MYOC: variants seen among roughly 807,000 people sequenced by gnomAD.
The protein encoded by MYOC is myocilin.
Under a neutral mutation model 28.2 loss-of-function variants are expected in MYOC, and 29 were observed. That is an observed-to-expected ratio of 1.03 (90% CI 0.77 to 1.40). The LOEUF is 1.40. MYOC is among the 40% of genes most tolerant of loss of function. The pLI, the probability that MYOC is intolerant of heterozygous loss-of-function variation, is 0.00. For synonymous variants in MYOC, 240 were observed against 245.6 expected (o/e 0.98, Z 0.21); for missense variants, 569 against 620.6 (o/e 0.92, Z 0.88).
chr1:171,643,768 C>T (rs1013086591), intron 1 of MYOC, among the ~76,000 whole-genome samples: 15 of 151,802 alleles, frequency 9.9e-5, no homozygotes, highest in Admixed American at 5.9e-4. Flanking sequence ...GTCAGGAGTT[C>T]GAGACCAGCC....
chr1:171,651,001 CA>C (rs1259183254), intron 1 of MYOC, among the ~76,000 whole-genome samples: 1 of 152,166 alleles, frequency 6.6e-6, no homozygotes, highest in African/African-American at 2.4e-5. Context: ...TAATAATGAG[CA>C]GTCAAATTGC....
Position 171,635,949 on chromosome 1 carries a change from A to G in MYOC, c.1491T>C (p.Tyr497=). ...FAWDNLNMVT[Y]DIKLSKM Reference sequence around the variant, plus strand: ...TTCACATCTTGGAGAGCTTGATGTCATAAGTGACCATGTTCAAGTTGTCCC... The same window carrying G: ...TTCACATCTTGGAGAGCTTGATGTCGTAAGTGACCATGTTCAAGTTGTCCC... The change falls in exon 3 of 3, where the codon TAT becomes TAC. Residue 497 remains tyrosine, a synonymous_variant. Transcript: ENST00000037502. The G allele has an allele frequency of 1.2e-6, 2 of 1,614,160 alleles. No individual in the cohort carries two copies. Among genetic ancestry groups the G allele is most frequent in the Non-Finnish European group, 1.7e-6 (2 of 1,180,032 alleles).
intron 1 of MYOC, among the ~76,000 whole-genome samples, chr1:171,646,609 G>C (rs1464079257): frequency 6.7e-6 from 1 of 149,576 alleles, no homozygotes; most frequent in Non-Finnish European, 1.5e-5. Context: ...TGATTCTTCT[G>C]CCTCAGCCTC....
At position 171,652,571 on chromosome 1, in the gene MYOC, T is replaced by C; in HGVS notation, c.41A>G (p.Glu14Gly). The C allele has an allele frequency of 6.2e-7, 1 of 1,614,180 alleles. No individual in the cohort carries two copies. The highest frequency in any genetic ancestry group is 1.1e-5 in the South Asian group (1 of 91,082). Reference protein sequence around the residue: ...FCARCCSFGPEMPAVQLLLLA... With the variant: ...FCARCCSFGPGMPAVQLLLLA... ...AAGCAGCAGCTGGACAGCTGGCATC[T>C]CAGGCCCAAAGCTGCAGCAACGTGC... is the stretch of plus-strand genomic sequence containing the variant. Residue 14 changes from glutamate (E) to glycine (G), a missense_variant, in exon 1 of 3, where the codon GAG (glutamate) becomes GGG (glycine). Transcript: ENST00000037502.
At chr1:171,642,704 G>A (rs1342505717) in intron 1 of MYOC, among the ~76,000 whole-genome samples, 5 of 151,936 alleles carry the variant, frequency 3.3e-5, no homozygotes, top group Admixed American at 3.3e-4. Flanking sequence ...AAACTCCAGG[G>A]GCAATTGGGA....
intron 1 of MYOC, among the ~76,000 whole-genome samples, chr1:171,645,007 C>G (rs141071125): frequency 1.3e-5 from 2 of 152,154 alleles, no homozygotes; most frequent in Non-Finnish European, 2.9e-5. Flanking sequence ...CAGTTATAAA[C>G]GCATTGCCTC....
intron 1 of MYOC, among the ~76,000 whole-genome samples, chr1:171,651,763 G>C (rs1653359599): frequency 6.6e-6 from 1 of 152,154 alleles, no homozygotes; most frequent in South Asian, 2.1e-4. Context: ...TTTTGCTATG[G>C]ACTGTGAAAA....
Position 171,642,646 on chromosome 1 carries a change from A to G in MYOC, c.605-3924T>C, listed in dbSNP as rs188075444. Among the ~76,000 whole-genome samples the G allele has an allele frequency of 2.8e-3, 410 of 148,324 alleles. 1 individual carries two copies. The highest frequency in any genetic ancestry group is 0.013 in the South Asian group (57 of 4,540). ...AAAAAAATTAAAAAAAGAAAGACTC[A>G]TAAGCCAAAATGTATATGTAACTGA... On this transcript the variant is annotated intron_variant, in intron 1 of 2. Transcript: ENST00000037502.
chr1:171,637,477 C>T (rs1460196008), intron 2 of MYOC, among the ~76,000 whole-genome samples: 2 of 152,186 alleles, frequency 1.3e-5, no homozygotes, highest in Non-Finnish European at 2.9e-5. Context: ...AGCACCCCTC[C>T]CATCTCAGCC....
chr1:171,640,301 A>G (rs949626130), intron 1 of MYOC, among the ~76,000 whole-genome samples: 4 of 151,968 alleles, frequency 2.6e-5, no homozygotes, highest in African/African-American at 9.7e-5. Flanking sequence ...ACAGAAGGGA[A>G]GCGGGTGGGC....
At position 171,642,518 on chromosome 1, in the gene MYOC, A is replaced by G. The variant is rs183004335; in HGVS notation, c.605-3796T>C. Among the ~76,000 whole-genome samples, 46 of 151,976 alleles carry G rather than the reference A, an allele frequency of 3.0e-4. No homozygotes were observed. The East Asian group carries it at 8.0e-3, about 26-fold the overall frequency. ...TCTCAGCTACTCGGGAGGCTGAGGC[A>G]GGAAGATGACTCTTGAGTCCAAGAG... is the stretch of plus-strand genomic sequence containing the variant. On this transcript the variant is annotated intron_variant, in intron 1 of 2. Coordinates refer to ENST00000037502, the MANE Select transcript of MYOC (RefSeq NM_000261.2).
rs1325717453 is a variant in MYOC, at chr1:171,636,381, T to C, written c.1059A>G (p.Thr353=). The C allele has an allele frequency of 1.2e-6, 2 of 1,613,902 alleles. No individual in the cohort carries two copies. Among genetic ancestry groups the C allele is most frequent in the African/African-American group, 1.3e-5 (1 of 74,918 alleles). The change falls in exon 3 of 3, where the codon ACA becomes ACG. Residue 353 remains threonine, a synonymous_variant. Coordinates refer to ENST00000037502, the MANE Select transcript of MYOC (RefSeq NM_000261.2). ...TVIRYELNTE[T]VKAEKEIPGA... ...CAGGGATTTCCTTCTCAGCCTTCAC[T>C]GTCTCGGTATTCAGCTCATATCTTA...
chr1:171,636,506 G>A lies in MYOC; in HGVS notation c.934C>T (p.Pro312Ser), dbSNP rs1193210485. 1 of 1,611,524 alleles carries A rather than the reference G, an allele frequency of 6.2e-7. No homozygotes were observed. The highest frequency in any genetic ancestry group is 1.1e-5 in the South Asian group (1 of 90,878). Residue 312 changes from proline (P) to serine (S), a missense_variant, in exon 3 of 3, where the codon CCT (proline) becomes TCT (serine). Pro to Ser is a moderately conservative substitution (Grantham distance 74). Coordinates refer to ENST00000037502, the MANE Select transcript of MYOC (RefSeq NM_000261.2). ...DLISQFMQGYPSKVHILPRPL... is the reference protein window; with the variant it reads ...DLISQFMQGYSSKVHILPRPL... Reference sequence around the variant, plus strand: ...CTAGGCAGTATGTGAACCTTAGAAGGGTAGCCCTGCATAAACTGGCTGATG... The same window carrying A: ...CTAGGCAGTATGTGAACCTTAGAAGAGTAGCCCTGCATAAACTGGCTGATG...
At chr1:171,638,484 G>T in intron 2 of MYOC, 113 bp downstream of exon 2, 1 of 1,215,966 alleles carries the variant, frequency 8.2e-7, no homozygotes, top group Non-Finnish European at 1.2e-6. Context: ...TGCTCCCAGG[G>T]AAGTTAATTT....
In MYOC at chr1:171,652,275, T is replaced by TCTCC; in HGVS notation, c.333_336dup (p.Thr113GlyfsTer53). The TCTCC allele has an allele frequency of 1.2e-6, 2 of 1,613,598 alleles. No individual in the cohort carries two copies. Among genetic ancestry groups the TCTCC allele is most frequent in the Non-Finnish European group, 1.7e-6 (2 of 1,179,696 alleles). On this transcript the variant is annotated frameshift_variant, in exon 1 of 3. Transcript: ENST00000037502. LOFTEE classifies it high-confidence loss of function. The stretch of plus-strand genomic sequence containing the variant: ...AGCTCCCTCTGCAGCCCCTCCTGGG[T>TCTCC]CTCCTGGGGCCTGGCAGCCTGGTCC...
intron 1 of MYOC, among the ~76,000 whole-genome samples, chr1:171,642,884 T>C (rs1288208707): frequency 1.2e-5 from 1 of 84,338 alleles, no homozygotes; most frequent in Non-Finnish European, 2.3e-5. Context: ...GGCTAGTCTA[T>C]GTTTAAAAAA....
Position 171,636,250 on chromosome 1 carries a change from G to A in MYOC, c.1190C>T (p.Ala397Val), listed in dbSNP as rs771200816. ...GLWVIYSTDE[A>V]KGAIVLSKLN... The stretch of plus-strand genomic sequence containing the variant: ...TTTGGAGAGGACAATGGCACCTTTG[G>A]CCTCATCGGTGCTGTAAATGACCCA... Residue 397 changes from alanine to valine, a missense_variant, in exon 3 of 3, where the codon GCC (alanine) becomes GTC (valine). Transcript: ENST00000037502. The A allele has an allele frequency of 5.0e-6, 8 of 1,614,130 alleles. No individual in the cohort carries two copies. The highest frequency in any genetic ancestry group is 6.8e-6 in the Non-Finnish European group (8 of 1,180,024).
At position 171,636,721 on chromosome 1, in the gene MYOC, A is replaced by G. The variant is rs768321629; in HGVS notation, c.731-12T>C. 5 of 1,600,018 alleles carry G rather than the reference A, an allele frequency of 3.1e-6. No homozygotes were observed. The South Asian group carries it at 3.3e-5, about 11-fold the overall frequency. On this transcript the variant is annotated splice_polypyrimidine_tract_variant and intron_variant, in intron 2 of 2. Coordinates refer to ENST00000037502, the MANE Select transcript of MYOC (RefSeq NM_000261.2). ...TAGTTCTCCACATCCTGGTAAATTCAGAAAAGAAAACGAAGCACCACTTAA... is the reference window on the plus strand; with the variant it reads ...TAGTTCTCCACATCCTGGTAAATTCGGAAAAGAAAACGAAGCACCACTTAA...
rs140112372 is a variant in MYOC, at chr1:171,636,309, C to G, written c.1131G>C (p.Thr377=). 18 of 1,613,874 alleles carry G rather than the reference C, an allele frequency of 1.1e-5. No individual in the cohort carries two copies. Among genetic ancestry groups the G allele is most frequent in the Non-Finnish European group, 1.5e-5 (18 of 1,180,006 alleles). Residue 377 remains threonine (T), a synonymous_variant, in exon 3 of 3, where the codon ACG becomes ACC. Coordinates refer to ENST00000037502, the MANE Select transcript of MYOC (RefSeq NM_000261.2). ...GQFPYSWGGY[T]DIDLAVDEAG... is the part of the protein sequence containing the mutation. ...CTTCATCCACAGCCAAGTCAATGTC[C>G]GTGTAGCCACCCCAAGAATACGGGA...
Sources: allele counts gnomAD v4.1 joint callset (sites outside exome capture counted in the v4.1 genomes callset), GRCh38; gene constraint gnomAD v4.1.1; transcripts MANE v1.5; gene names NCBI Gene and HGNC (gene_info 2026-07-23, HGNC 2026-07-21).